The following PFN4 variants were observed in gnomAD, a reference collection of about 807,000 sequenced individuals.
The protein encoded by PFN4 is profilin-4.
Under a neutral mutation model 16.3 loss-of-function variants are expected in PFN4, and 10 were observed. The observed-to-expected ratio is 0.61, with a 90% CI of 0.38 to 1.04. The LOEUF is 1.04. Ranked by LOEUF, PFN4 falls within the 50% of genes least tolerant of loss-of-function variation. PFN4 has a pLI of 0.01. For missense variants in PFN4, 136 were observed against 153.6 expected (o/e 0.89, Z 0.61); for synonymous variants, 54 against 56.9 (o/e 0.95, Z 0.23).
intron 4 of PFN4, among the ~76,000 whole-genome samples, chr2:24,118,882 T>A (rs1360553827): frequency 6.6e-6 from 1 of 152,210 alleles, no homozygotes; most frequent in Non-Finnish European, 1.5e-5. Flanking sequence ...GGCTTCTGTT[T>A]CAAAGGAGTG....
At chr2:24,122,204 C>T (rs1666139290) in intron 2 of PFN4, among the ~76,000 whole-genome samples, 1 of 151,952 alleles carries the variant, frequency 6.6e-6, no homozygotes. Context: ...TGGTAGCGCA[C>T]TCCTGTAATC....
In PFN4 at chr2:24,122,443, C is replaced by T. The variant is rs748365666; in HGVS notation, c.93G>A (p.Leu31=). Residue 31 remains leucine, a synonymous_variant, in exon 2 of 5, where the codon TTG becomes TTA. Transcript: ENST00000313213. ...CATTGAAACCTGGTGATGCTACACACAAGCTCCGCTCCTGGATTTTGATGA... is the reference window on the plus strand; with the variant it reads ...CATTGAAACCTGGTGATGCTACACATAAGCTCCGCTCCTGGATTTTGATGA... ...AALIKIQERS[L]CVASPGFNVT... 3 of 1,613,766 alleles carry T rather than the reference C, an allele frequency of 1.9e-6. No individual in the cohort carries two copies. The South Asian group carries it at 3.3e-5, about 18-fold the overall frequency.
intron 4 of PFN4, 60 bp downstream of exon 4, chr2:24,119,516 TC>T: frequency 8.2e-7 from 1 of 1,222,914 alleles, no homozygotes; most frequent in Non-Finnish European, 1.2e-6. Context: ...TCTCTGTTAC[TC>T]GTAGTCGGAA....
rs1178717231 is a variant in PFN4 at position 24,121,147 on chromosome 2, A to C, written c.255+16T>G. 6.2e-7 allele frequency: 1 copy of C among 1,613,882 alleles called. No homozygotes were observed. Among genetic ancestry groups the C allele is most frequent in the South Asian group, 1.1e-5 (1 of 91,030 alleles). On this transcript the variant is annotated intron_variant, in intron 3 of 4. Transcript: ENST00000313213. ...CTTTTCTTTTACTCAGCTCTCTTCA[A>C]ATCTTGAGCACTCACATTTTTGGCA...
At chr2:24,120,343 T>C (rs936052134) in intron 3 of PFN4, among the ~76,000 whole-genome samples, 4 of 152,170 alleles carry the variant, frequency 2.6e-5, no homozygotes, top group African/African-American at 9.7e-5. Flanking sequence ...CATTTTGGAA[T>C]TGGACAGCTC....
chr2:24,115,227 C>T lies in PFN4; in HGVS notation c.*356G>A, dbSNP rs1267186409. The T allele has an allele frequency of 4.6e-6, 1 of 216,026 alleles. No homozygotes were observed. Among genetic ancestry groups the T allele is most frequent in the African/African-American group, 2.3e-5 (1 of 43,864 alleles). 13.4% of individuals were successfully genotyped at this position (216,026 alleles called of 1,614,324 possible). On this transcript the variant is annotated 3_prime_UTR_variant, in exon 5 of 5. Coordinates refer to ENST00000313213, the MANE Select transcript of PFN4 (RefSeq NM_199346.3). ...TTCAAGGTTGCTTGCTGCAACCTAA[C>T]CCTGAGAAATGTCTTGGATAAAGAG...
At chr2:24,123,408 G>C (rs184796705), upstream of PFN4, 2 of 152,322 alleles carry the variant, frequency 1.3e-5, no homozygotes, top group Admixed American at 1.3e-4. Context: ...GCCACCTAGA[G>C]CCGCCGCCCA....
intron 4 of PFN4, among the ~76,000 whole-genome samples, chr2:24,116,525 A>G (rs1219141658): frequency 6.6e-6 from 1 of 152,026 alleles, no homozygotes; most frequent in Admixed American, 6.6e-5. Context: ...AGTCTTGCAG[A>G]ATAAGTCACA....
At chr2:24,120,562 A>T (rs1004456772) in intron 3 of PFN4, among the ~76,000 whole-genome samples, 16 of 139,548 alleles carry the variant, frequency 1.1e-4, no homozygotes, top group Admixed American at 2.8e-4. Context: ...TTTTTTTAAA[A>T]TTTTTTTTTT....
chr2:24,120,224 G>A (rs770224983), intron 3 of PFN4, among the ~76,000 whole-genome samples: 3 of 151,790 alleles, frequency 2.0e-5, no homozygotes, highest in Admixed American at 6.6e-5. Context: ...AGCCGAGATC[G>A]TGCCATTGCA....
intron 2 of PFN4, 82 bp from the exon 3 acceptor site, chr2:24,121,382 A>G: frequency 7.4e-7 from 1 of 1,342,372 alleles, no homozygotes; most frequent in Non-Finnish European, 1.0e-6. Flanking sequence ...CCTGTTTTTT[A>G]TGGCCTGCAA....
chr2:24,121,939 A>T (rs1273295910), intron 2 of PFN4, among the ~76,000 whole-genome samples: 1 of 152,228 alleles, frequency 6.6e-6, no homozygotes, highest in Non-Finnish European at 1.5e-5. Flanking sequence ...TTCTTTATAA[A>T]TTACCCAGCT....
At position 24,115,549 on chromosome 2, in the gene PFN4, A is replaced by G; in HGVS notation, c.*34T>C. 1 of 1,591,970 alleles carries G rather than the reference A, an allele frequency of 6.3e-7. No homozygotes were observed. The highest frequency in any genetic ancestry group is 8.6e-7 in the Non-Finnish European group (1 of 1,164,988). The stretch of plus-strand genomic sequence containing the variant: ...TTAGGCTCTTCAATTTTCTTCTAAA[A>G]TAATAAAATTGTCTTTCATGGGCCT... On this transcript the variant is annotated 3_prime_UTR_variant, in exon 5 of 5. Coordinates refer to ENST00000313213, the MANE Select transcript of PFN4 (RefSeq NM_199346.3).
chr2:24,119,402 T>C (rs1176321379), intron 4 of PFN4, among the ~76,000 whole-genome samples, 175 bp downstream of exon 4: 1 of 152,228 alleles, frequency 6.6e-6, no homozygotes, highest in Non-Finnish European at 1.5e-5. Flanking sequence ...TGAATCTACC[T>C]TCCCCATGGC....
intron 4 of PFN4, 21 bp from the exon 5 acceptor site, chr2:24,115,632 G>T (rs199971721): frequency 1.9e-6 from 3 of 1,611,118 alleles, no homozygotes; most frequent in African/African-American, 1.3e-5. Flanking sequence ...ACACAGCATG[G>T]TTATTATTTA....
At position 24,121,190 on chromosome 2, in the gene PFN4, T is replaced by G. The variant is rs33913065; in HGVS notation, c.228A>C (p.Ala76=). ...FKGKDYRCVR[A]DEYSLYAKNE... ...TTTTGGCATAAAGAGAATATTCATC[T>G]GCCCGGACACATCTGTAATCTTTTC... Residue 76 remains alanine, a synonymous_variant, in exon 3 of 5, where the codon GCA becomes GCC. Coordinates refer to ENST00000313213, the MANE Select transcript of PFN4 (RefSeq NM_199346.3). The G allele has an allele frequency of 0.19, 303,414 of 1,613,948 alleles. 29,834 individuals are homozygous for G. Among genetic ancestry groups the G allele is most frequent in the South Asian group, 0.2 (18,460 of 91,080 alleles).
chr2:24,122,110 T>A (rs1666136029), intron 2 of PFN4, among the ~76,000 whole-genome samples: 1 of 152,118 alleles, frequency 6.6e-6, no homozygotes, highest in Admixed American at 6.5e-5. Flanking sequence ...GGCAGGTGGA[T>A]CACCTGAGGT....
rs1228704893 is a variant in PFN4, at chr2:24,122,553, A to G, written c.-12-6T>C. ...TGGCTCATGTTCCCTCAACTCTGAA[A>G]GGGAAAGTGCAGTTGAAGCCATTGA... On this transcript the variant is annotated splice_polypyrimidine_tract_variant and splice_region_variant and intron_variant, in intron 1 of 4. Coordinates refer to ENST00000313213, the MANE Select transcript of PFN4 (RefSeq NM_199346.3). 22 of 1,566,446 alleles carry G rather than the reference A, an allele frequency of 1.4e-5. No homozygotes were observed. The highest frequency in any genetic ancestry group is 1.8e-5 in the Non-Finnish European group (21 of 1,138,740).
chr2:24,117,557 C>T (rs1382586818), intron 4 of PFN4, among the ~76,000 whole-genome samples: 4 of 151,956 alleles, frequency 2.6e-5, no homozygotes, highest in African/African-American at 9.7e-5. Flanking sequence ...ATTCTCCTGC[C>T]TCAGCCTCCT....
Sources: allele counts gnomAD v4.1 joint callset (sites outside exome capture counted in the v4.1 genomes callset), GRCh38; gene constraint gnomAD v4.1.1; transcripts MANE v1.5; gene names NCBI Gene and HGNC (gene_info 2026-07-23, HGNC 2026-07-21).